LAMA3: variants seen among roughly 807,000 people sequenced by gnomAD.
LAMA3 encodes the protein laminin subunit alpha-3.
In LAMA3, 281 loss-of-function variants were observed where a neutral mutation model predicts 402.0. The ratio of observed to expected loss-of-function variants is 0.70; its 90% CI spans 0.63 to 0.77. LAMA3 has a LOEUF of 0.77. Among genes scored for constraint, LAMA3 ranks in the 30% least tolerant of loss-of-function variants. The pLI is 0.00. For synonymous variants in LAMA3, 1,431 were observed against 1,558.4 expected, an observed-to-expected ratio of 0.92 and a Z score of 1.93; for missense variants, 3,840 against 4,215.5, an observed-to-expected ratio of 0.91 and a Z score of 2.47.
Position 23,815,192 on chromosome 18 carries a change from CA to C in LAMA3, c.1895del (p.Lys632SerfsTer8). 6.2e-7 allele frequency: 1 copy of C among 1,614,012 alleles called. No homozygotes were observed. The highest frequency in any genetic ancestry group is 8.5e-7 in the Non-Finnish European group (1 of 1,179,872). On this transcript the variant is annotated frameshift_variant, in exon 16 of 75. Transcript: ENST00000313654. LOFTEE classifies it high-confidence loss of function. ...GATGCTCTCTTATCTCCACAGAATG[CA>C]AGTGCCATAAGGCGGGAACAGTGAG... ...KENPSGCSEC[K>X]CHKAGTVSGT... is the part of the protein sequence containing the mutation.
Position 23,857,858 on chromosome 18 carries a change from T to G in LAMA3, c.4151T>G (p.Ile1384Ser). 6.2e-7 allele frequency: 1 copy of G among 1,614,252 alleles called. No homozygotes were observed. The highest frequency in any genetic ancestry group is 8.5e-7 in the Non-Finnish European group (1 of 1,180,050). Residue 1384 changes from isoleucine to serine, a missense_variant, in exon 33 of 75, where the codon ATC (isoleucine) becomes AGC (serine). Physicochemically the swap from Ile to Ser is moderately radical, Grantham distance 142. Around this residue, in one of 3 missense-constraint regions of LAMA3, gnomAD observed 2,109 missense variants for 2,376.0 expected, o/e 0.89. Transcript: ENST00000313654. Reference sequence around the variant, plus strand: ...TTTGTGTACAGATGCAAGCCCAGAATCACAGGGCGGCAGTGTGACCGATGT... The same window carrying G: ...TTTGTGTACAGATGCAAGCCCAGAAGCACAGGGCGGCAGTGTGACCGATGT... Reference protein sequence around the residue: ...DSGQCRCKPRITGRQCDRCAS... With the variant: ...DSGQCRCKPRSTGRQCDRCAS...
At chr18:23,852,541 C>A (rs1182643768) in intron 32 of LAMA3, among the ~76,000 whole-genome samples, 3 of 152,108 alleles carry the variant, frequency 2.0e-5, no homozygotes, top group African/African-American at 7.2e-5. Flanking sequence ...GCATCTAATA[C>A]CTACTCCAGT....
At chr18:23,773,663 C>G in intron 9 of LAMA3, 76 bp downstream of exon 9, 1 of 894,298 alleles carries the variant, frequency 1.1e-6, no homozygotes, top group Non-Finnish European at 1.8e-6. Flanking sequence ...AACTTTGGAT[C>G]AGTTAATAAC....
intron 12 of LAMA3, among the ~76,000 whole-genome samples, chr18:23,788,405 A>C (rs911098454): frequency 3.9e-5 from 6 of 151,944 alleles, no homozygotes; most frequent in Non-Finnish European, 5.9e-5. Context: ...TAACATAGTA[A>C]CTCAAAAATG....
chr18:23,937,571 A>T (rs2082352875), intron 67 of LAMA3, among the ~76,000 whole-genome samples: 1 of 152,086 alleles, frequency 6.6e-6, no homozygotes, highest in Admixed American at 6.5e-5. Context: ...GCTTTAAAGG[A>T]TGATGATGCC....
intron 12 of LAMA3, 21 bp from the exon 13 acceptor site, chr18:23,810,345 T>C: frequency 6.2e-7 from 1 of 1,613,920 alleles, no homozygotes; most frequent in African/African-American, 1.3e-5. Context: ...CGCCTAAGTC[T>C]GATTGAATTC....
At chr18:23,893,817 T>C (rs553162549) in intron 42 of LAMA3, among the ~76,000 whole-genome samples, 6 of 152,308 alleles carry the variant, frequency 3.9e-5, no homozygotes, top group Non-Finnish European at 8.8e-5. Context: ...CTGTAAATGC[T>C]CAAAGGTGCT....
rs182234220 is a variant in LAMA3 at position 23,879,213 on chromosome 18, C to T, written c.5113-2723C>T. Among the ~76,000 whole-genome samples the T allele has an allele frequency of 4.1e-3, 626 of 152,342 alleles. 1 individual carries two copies. The highest frequency in any genetic ancestry group is 0.014 in the Middle Eastern group (4 of 294). On this transcript the variant is annotated intron_variant, in intron 39 of 74. Coordinates refer to ENST00000313654, the MANE Select transcript of LAMA3 (RefSeq NM_198129.4). The surrounding 1 kb of genome is among the most constrained non-coding windows in gnomAD (Gnocchi z 4.2). ...AGGCTCACAGACGGAAGGAAGCCCA[C>T]GACCCTTAGCACAGTACTGGGGGCT...
chr18:23,761,380 A>G (rs2061965340), intron 7 of LAMA3, among the ~76,000 whole-genome samples: 1 of 152,198 alleles, frequency 6.6e-6, no homozygotes, highest in African/African-American at 2.4e-5. Flanking sequence ...CGATTACCAT[A>G]TAGTGTTGAA....
chr18:23,699,494 C>A (rs1711457), intron 1 of LAMA3, among the ~76,000 whole-genome samples: 90,666 of 151,970 alleles, frequency 0.6, 27,530 homozygotes, highest in Middle Eastern at 0.67. Flanking sequence ...TTGAGGAATG[C>A]GTCAGGTTGG....
intron 23 of LAMA3, among the ~76,000 whole-genome samples, chr18:23,833,246 T>C (rs2063519434): frequency 6.6e-6 from 1 of 152,238 alleles, no homozygotes; most frequent in Non-Finnish European, 1.5e-5. Context: ...ACAGTTTTTC[T>C]TAATGAAACA....
At chr18:23,902,127 A>G (rs1336950004) in intron 48 of LAMA3, among the ~76,000 whole-genome samples, 1 of 152,146 alleles carries the variant, frequency 6.6e-6, no homozygotes, top group East Asian at 1.9e-4. Context: ...GTTTGAGACC[A>G]GCCTCGGCAA....
At chr18:23,823,001 G>A (rs370968660) in intron 20 of LAMA3, among the ~76,000 whole-genome samples, 4 of 152,284 alleles carry the variant, frequency 2.6e-5, no homozygotes, top group African/African-American at 9.6e-5. Flanking sequence ...ATTCCAAGAA[G>A]CATTTGGAAT....
At chr18:23,865,012 A>G (rs1380562060) in intron 36 of LAMA3, 129 bp downstream of exon 36, 1 of 714,876 alleles carries the variant, frequency 1.4e-6, no homozygotes, top group African/African-American at 1.7e-5. Flanking sequence ...TTTTGCAGAA[A>G]CTAAATGAAA....
intron 61 of LAMA3, 81 bp downstream of exon 61, chr18:23,921,135 A>C: frequency 6.9e-7 from 1 of 1,444,238 alleles, no homozygotes; most frequent in Non-Finnish European, 9.6e-7. Context: ...CAAATAAATA[A>C]ATAAAACTTC....
chr18:23,778,036 G>A (rs2062360538), intron 11 of LAMA3, among the ~76,000 whole-genome samples: 1 of 152,196 alleles, frequency 6.6e-6, no homozygotes, highest in Non-Finnish European at 1.5e-5. Flanking sequence ...GGTAATGGCA[G>A]TTATCTGCCA....
rs1213699413 is a variant in LAMA3 at position 23,871,653 on chromosome 18, T to C, written c.4990T>C (p.Ser1664Pro). The C allele has an allele frequency of 6.2e-7, 1 of 1,602,904 alleles. No homozygotes were observed. The highest frequency in any genetic ancestry group is 1.1e-5 in the South Asian group (1 of 89,474). Residue 1664 changes from serine (S) to proline (P), a missense_variant, in exon 38 of 75, where the codon TCT becomes CCT. Physicochemically the swap from Ser to Pro is moderately conservative, Grantham distance 74. Coordinates refer to ENST00000313654, the MANE Select transcript of LAMA3 (RefSeq NM_198129.4). ...CACPPAYAGD[S>P]CQGCSPGYYR... ...CTGCCCCCCTGCCTACGCTGGTGAC[T>C]CTTGTCAGGTAGGAAGTTTTCCCAT...
chr18:23,813,171 C>T, intron 14 of LAMA3, 68 bp downstream of exon 14: 1 of 1,038,238 alleles, frequency 9.6e-7, no homozygotes, highest in Non-Finnish European at 1.5e-6. Flanking sequence ...TAAGGACTAA[C>T]AGTGTGGGCA....
chr18:23,718,043 T>C (rs2061141005), intron 2 of LAMA3, among the ~76,000 whole-genome samples: 1 of 152,188 alleles, frequency 6.6e-6, no homozygotes, highest in Non-Finnish European at 1.5e-5. Flanking sequence ...GAAGCTTTTG[T>C]ATCATCTGGC....
Sources: allele counts gnomAD v4.1 joint callset (sites outside exome capture counted in the v4.1 genomes callset), GRCh38; gene constraint gnomAD v4.1.1; regional missense constraint gnomAD v4.1.1; non-coding constraint Gnocchi (gnomAD v3.1); transcripts MANE v1.5; gene names NCBI Gene and HGNC (gene_info 2026-07-23, HGNC 2026-07-21).